LRGUK: variants seen among roughly 807,000 people sequenced by gnomAD.
The protein encoded by LRGUK is leucine-rich repeat and guanylate kinase domain-containing protein.
LRGUK carries 65 observed loss-of-function variants against 76.0 expected under a neutral mutation model. That is an observed-to-expected ratio of 0.85 (90% CI 0.70 to 1.05). The LOEUF (loss-of-function observed/expected upper bound fraction) is 1.05. Among genes scored for constraint, LRGUK ranks in the 50% least tolerant of loss-of-function variants. The pLI is 0.00. For synonymous variants in LRGUK, 268 were observed against 265.6 expected, an observed-to-expected ratio of 1.01 and a Z score of -0.09; for missense variants, 758 against 732.8, an observed-to-expected ratio of 1.03 and a Z score of -0.40.
At chr7:134,144,881 C>T (rs1012139738) in intron 4 of LRGUK, among the ~76,000 whole-genome samples, 5 of 152,140 alleles carry the variant, frequency 3.3e-5, no homozygotes, top group African/African-American at 1.2e-4. Context: ...TTGAGGTTAT[C>T]AGGAATTGAA....
chr7:134,247,898 C>T (rs2598265), intron 17 of LRGUK, among the ~76,000 whole-genome samples: 11,322 of 152,092 alleles, frequency 0.074, 1,026 homozygotes, highest in African/African-American at 0.21. Context: ...AAGAAGAAGA[C>T]GGGTGATTAA....
At chr7:134,220,825 C>T (rs969805750) in intron 15 of LRGUK, among the ~76,000 whole-genome samples, 3 of 152,094 alleles carry the variant, frequency 2.0e-5, no homozygotes, top group Admixed American at 6.5e-5. Flanking sequence ...CAACCTCAGC[C>T]TCCCAAAGTG....
intron 2 of LRGUK, among the ~76,000 whole-genome samples, chr7:134,137,466 T>C (rs1054959765): frequency 2.0e-5 from 3 of 152,198 alleles, no homozygotes; most frequent in African/African-American, 7.2e-5. Flanking sequence ...ATTTTCTCTC[T>C]GATCAGTGGA....
intron 12 of LRGUK, among the ~76,000 whole-genome samples, chr7:134,193,275 T>C (rs1585529633): frequency 6.6e-6 from 1 of 152,216 alleles, no homozygotes; most frequent in Non-Finnish European, 1.5e-5. Flanking sequence ...AAAGCCTCAA[T>C]AGAGATTTGA....
At chr7:134,186,390 G>A (rs2117032623) in intron 11 of LRGUK, among the ~76,000 whole-genome samples, 1 of 152,276 alleles carries the variant, frequency 6.6e-6, no homozygotes, top group Admixed American at 6.5e-5. Flanking sequence ...TTCCCTGCTT[G>A]TCTGTAGCCC....
In LRGUK at chr7:134,175,676, G is replaced by GT. The variant is rs1293321674; in HGVS notation, c.1020+1047dup. 1.2e-4 allele frequency among the ~76,000 whole-genome samples: 18 copies of GT among 152,116 alleles called. No individual in the cohort carries two copies. The East Asian group carries it at 3.3e-3, about 28-fold the overall frequency. On this transcript the variant is annotated intron_variant, in intron 8 of 15. Transcript: ENST00000645682. ...TTGGACTGGCGCAAAAGTAATTGTG[G>GT]TTTTTTTCATTCTTTTAATGACAAA...
intron 13 of LRGUK, among the ~76,000 whole-genome samples, chr7:134,197,443 T>A (rs568545010): frequency 6.6e-6 from 1 of 152,352 alleles, no homozygotes; most frequent in Non-Finnish European, 1.5e-5. Context: ...TTATTTTCTG[T>A]TATTTCCTCA....
At chr7:134,232,608 G>T (rs1801929673) in intron 16 of LRGUK, among the ~76,000 whole-genome samples, 1 of 152,100 alleles carries the variant, frequency 6.6e-6, no homozygotes, top group South Asian at 2.1e-4. Flanking sequence ...GTCACTGGAG[G>T]TTTCCTCTAG....
chr7:134,255,832 A>C (rs572551526), intron 18 of LRGUK, among the ~76,000 whole-genome samples: 12 of 151,678 alleles, frequency 7.9e-5, no homozygotes, highest in Admixed American at 3.9e-4. Context: ...GGATGAGGGG[A>C]TCTTTTTGCT....
rs1799513772 is a variant in LRGUK at position 134,177,064 on chromosome 7, G to T, written c.1107+1G>T. On this transcript the variant is annotated splice_donor_variant, in intron 9 of 15. Transcript: ENST00000645682. LOFTEE classifies it high-confidence loss of function. ...GAAGAAGATTAAAGTGGAAGAAAAG[G>T]TATGTAATCATGTCATAACATTACC... is the stretch of plus-strand genomic sequence containing the variant. The T allele has an allele frequency of 6.3e-7, 1 of 1,576,970 alleles. No homozygotes were observed. Among genetic ancestry groups the T allele is most frequent in the African/African-American group, 1.4e-5 (1 of 74,002 alleles).
chr7:134,181,902 A>G (rs1799767921), intron 10 of LRGUK, among the ~76,000 whole-genome samples: 1 of 152,136 alleles, frequency 6.6e-6, no homozygotes, highest in South Asian at 2.1e-4. Flanking sequence ...GTGCAATTTT[A>G]TCACATGTAG....
At chr7:134,232,289 T>A (rs1457749300) in intron 16 of LRGUK, among the ~76,000 whole-genome samples, 1 of 152,120 alleles carries the variant, frequency 6.6e-6, no homozygotes, top group African/African-American at 2.4e-5. Context: ...AATTTATTTT[T>A]TTTTTTTGAG....
At chr7:134,184,889 C>T (rs1799918490) in intron 11 of LRGUK, among the ~76,000 whole-genome samples, 1 of 152,232 alleles carries the variant, frequency 6.6e-6, no homozygotes, top group Non-Finnish European at 1.5e-5. Flanking sequence ...TCTCCTGTTG[C>T]CTTGCAGTAT....
At chr7:134,134,095 A>G (rs1376854668) in intron 1 of LRGUK, among the ~76,000 whole-genome samples, 31 of 152,022 alleles carry the variant, frequency 2.0e-4, no homozygotes, top group Admixed American at 2.0e-3. Flanking sequence ...GAAATTGCCC[A>G]TAGGCTACCC....
chr7:134,152,367 A>G (rs1798257676), intron 5 of LRGUK, among the ~76,000 whole-genome samples: 1 of 152,168 alleles, frequency 6.6e-6, no homozygotes, highest in East Asian at 1.9e-4. Flanking sequence ...AAGGGTGTTG[A>G]AGACCTAACT....
chr7:134,139,492 G>T lies in LRGUK; in HGVS notation c.462G>T (p.Leu154Phe), dbSNP rs778920408. 1.9e-6 allele frequency: 3 copies of T among 1,607,038 alleles called. No homozygotes were observed. The East Asian group carries it at 6.7e-5, about 36-fold the overall frequency. Residue 154 changes from leucine to phenylalanine, a missense_variant, in exon 3 of 16, where the codon TTG (leucine) becomes TTT (phenylalanine). By Grantham distance (22) the Leu-to-Phe change is conservative. Transcript: ENST00000645682. ...GTGGATATGTTCATCTACAGAAGTT[G>T]GATCTTTCAGCGAATAAAATTGAAG... is the stretch of plus-strand genomic sequence containing the variant.
chr7:134,217,123 G>C (rs1801453342), intron 15 of LRGUK, among the ~76,000 whole-genome samples: 1 of 146,754 alleles, frequency 6.8e-6, no homozygotes, highest in African/African-American at 2.5e-5. Flanking sequence ...TCTTTAAAGT[G>C]TCAAGTAACT....
intron 18 of LRGUK, among the ~76,000 whole-genome samples, chr7:134,249,375 A>G (rs542749180): frequency 6.6e-6 from 1 of 152,260 alleles, no homozygotes; most frequent in African/African-American, 2.4e-5. Context: ...ATTTCAGAGG[A>G]AGAGCACAGA....
intron 5 of LRGUK, among the ~76,000 whole-genome samples, chr7:134,150,479 C>CAAAAAAAAAAAAAAAAAGAAAAAA (rs11403705): frequency 7.4e-6 from 1 of 134,490 alleles, no homozygotes; most frequent in Non-Finnish European, 1.6e-5. Flanking sequence ...AACAAGCAAA[C>CAAAAAAAAAAAAAAAAAGAAAAAA]AAAAAAAAAA....
Sources: allele counts gnomAD v4.1 joint callset (sites outside exome capture counted in the v4.1 genomes callset), GRCh38; gene constraint gnomAD v4.1.1; transcripts MANE v1.5; gene names NCBI Gene and HGNC (gene_info 2026-07-23, HGNC 2026-07-21).